Variants in AGBL1 observed in about 807,000 individuals in gnomAD.
The protein encoded by AGBL1 is cytosolic carboxypeptidase 4.
A neutral mutation model predicts 118.9 loss-of-function variants in AGBL1; 130 were observed. The ratio of observed to expected loss-of-function variants is 1.09; its 90% CI spans 0.95 to 1.26. The LOEUF is 1.26. Ranked by LOEUF, AGBL1 falls within the 50% of genes most tolerant of loss-of-function variation. The pLI is 0.00. For synonymous variants in AGBL1, 555 were observed against 478.9 expected (o/e 1.16, Z -2.08); for missense variants, 1,584 against 1,298.1 (o/e 1.22, Z -3.38).
At chr15:86,485,922 TCTC>T (rs766275432) in intron 18 of AGBL1, among the ~76,000 whole-genome samples, 2 of 151,922 alleles carry the variant, frequency 1.3e-5, no homozygotes, top group East Asian at 3.9e-4. Flanking sequence ...CTCCTTTCCT[TCTC>T]CTCCTCTTTT....
intron 1 of AGBL1, among the ~76,000 whole-genome samples, chr15:86,110,241 A>G (rs1391921855): frequency 6.6e-6 from 1 of 152,256 alleles, no homozygotes; most frequent in East Asian, 1.9e-4. Context: ...CCTGTGCAGT[A>G]GAAAATCCAT....
chr15:87,006,343 G>A (rs1236012762), intron 24 of AGBL1, among the ~76,000 whole-genome samples: 4 of 152,152 alleles, frequency 2.6e-5, no homozygotes, highest in Non-Finnish European at 4.4e-5. Flanking sequence ...ACTCCACTCA[G>A]TTCAAGCTTC....
At chr15:87,010,426 G>T (rs1348713451) in intron 24 of AGBL1, among the ~76,000 whole-genome samples, 1 of 152,148 alleles carries the variant, frequency 6.6e-6, no homozygotes, top group African/African-American at 2.4e-5. Flanking sequence ...TTTATCAGCA[G>T]GGTGAAAATG....
At chr15:86,990,338 A>T (rs982078900) in intron 24 of AGBL1, among the ~76,000 whole-genome samples, 6 of 152,164 alleles carry the variant, frequency 3.9e-5, no homozygotes, top group African/African-American at 1.4e-4. Flanking sequence ...AACAAGGTGA[A>T]ACCCTGTCTG....
intron 23 of AGBL1, among the ~76,000 whole-genome samples, chr15:86,984,608 C>T (rs531072430): frequency 6.6e-6 from 1 of 152,102 alleles, no homozygotes; most frequent in African/African-American, 2.4e-5. Context: ...TTGTGATCCA[C>T]CCGCCTCAGC....
At chr15:86,632,019 T>C (rs957161560) in intron 21 of AGBL1, among the ~76,000 whole-genome samples, 1 of 134,222 alleles carries the variant, frequency 7.5e-6, no homozygotes, top group African/African-American at 2.7e-5. Flanking sequence ...AGGGAGACCC[T>C]ATTTCCACAA....
At chr15:86,546,828 A>G (rs1170106004) in intron 20 of AGBL1, among the ~76,000 whole-genome samples, 1 of 152,226 alleles carries the variant, frequency 6.6e-6, no homozygotes, top group Non-Finnish European at 1.5e-5. Context: ...GAGAATCAGG[A>G]AGAAGCAAAG....
intron 24 of AGBL1, among the ~76,000 whole-genome samples, chr15:87,021,832 C>G (rs1238170780): frequency 1.3e-5 from 2 of 152,112 alleles, no homozygotes; most frequent in Non-Finnish European, 2.9e-5. Context: ...TCCAGAACAA[C>G]TGCAGGAATA....
At chr15:86,190,885 A>G (rs2077708554) in intron 5 of AGBL1, among the ~76,000 whole-genome samples, 2 of 152,222 alleles carry the variant, frequency 1.3e-5, no homozygotes, top group South Asian at 2.1e-4. Flanking sequence ...TGAATAATTT[A>G]AGCTGGGGAA....
At chr15:86,140,057 C>G (rs1204363810) in intron 1 of AGBL1, 1 of 189,664 alleles carries the variant, frequency 5.3e-6, no homozygotes, top group African/African-American at 2.3e-5. Flanking sequence ...GACAGCGCCC[C>G]TGGTGGTCAG....
rs759906397 is a variant in AGBL1, at chr15:86,675,475, C to T, written c.3158+1039C>T. On this transcript the variant is annotated intron_variant, in intron 22 of 22. Transcript: ENST00000614907. ...TTACCTAAATGCAGTAATTAACTTG[C>T]TCACCACACTGGGCTATAGATCATA... 1.2e-4 allele frequency among the ~76,000 whole-genome samples: 18 copies of T among 152,262 alleles called. No individual in the cohort carries two copies. The South Asian group carries it at 1.2e-3, about 11-fold the overall frequency.
intron 17 of AGBL1, among the ~76,000 whole-genome samples, chr15:86,364,832 G>A (rs988506597): frequency 6.6e-6 from 1 of 151,238 alleles, no homozygotes; most frequent in African/African-American, 2.4e-5. Flanking sequence ...TTGGCTAGTA[G>A]CACTTTAACT....
intron 23 of AGBL1, among the ~76,000 whole-genome samples, chr15:86,947,916 C>T (rs1244890826): frequency 2.0e-5 from 3 of 152,198 alleles, no homozygotes; most frequent in African/African-American, 4.8e-5. Flanking sequence ...CTGGTGATAA[C>T]GGACATTAGG....
intron 22 of AGBL1, among the ~76,000 whole-genome samples, chr15:86,887,703 C>T (rs1318069361): frequency 6.6e-6 from 1 of 152,116 alleles, no homozygotes; most frequent in Non-Finnish European, 1.5e-5. Context: ...GTTCCATGCA[C>T]CTCACCAAGA....
chr15:86,774,727 G>T (rs1186914065), intron 22 of AGBL1, among the ~76,000 whole-genome samples: 1 of 152,014 alleles, frequency 6.6e-6, no homozygotes, highest in African/African-American at 2.4e-5. Context: ...AAAGTATGGT[G>T]TTCTGAGAAG....
chr15:86,552,997 A>G (rs962989210), intron 20 of AGBL1, among the ~76,000 whole-genome samples: 2 of 152,112 alleles, frequency 1.3e-5, no homozygotes, highest in Non-Finnish European at 2.9e-5. Flanking sequence ...GAGGACAGTA[A>G]GTACCAGAGA....
intron 22 of AGBL1, among the ~76,000 whole-genome samples, chr15:86,676,811 C>G (rs1412958012): frequency 1.3e-5 from 2 of 152,044 alleles, no homozygotes; most frequent in African/African-American, 2.4e-5. Context: ...CCCTAAAGAA[C>G]TACAAGAATG....
chr15:86,374,063 C>T (rs1048332351), intron 17 of AGBL1, among the ~76,000 whole-genome samples: 10 of 152,192 alleles, frequency 6.6e-5, no homozygotes, highest in Admixed American at 6.5e-4. Context: ...TTACCTAAGT[C>T]CGACTTGGTT....
chr15:86,143,991 GC>G, intron 3 of AGBL1, 146 bp downstream of exon 3: 2 of 1,031,834 alleles, frequency 1.9e-6, no homozygotes, highest in Non-Finnish European at 2.7e-6. Flanking sequence ...GGCAGGACCA[GC>G]CCCATAGGAG....
Sources: allele counts gnomAD v4.1 joint callset (sites outside exome capture counted in the v4.1 genomes callset), GRCh38; gene constraint gnomAD v4.1.1; transcripts MANE v1.5; gene names NCBI Gene and HGNC (gene_info 2026-07-23, HGNC 2026-07-21).